DYNC2LI1: variants seen among roughly 807,000 people sequenced by gnomAD.
DYNC2LI1 encodes cytoplasmic dynein 2 light intermediate chain 1.
In DYNC2LI1, 45 loss-of-function variants were observed where a neutral mutation model predicts 51.9. The observed-to-expected ratio is 0.87, with a 90% CI of 0.68 to 1.11. The LOEUF (loss-of-function observed/expected upper bound fraction) is 1.11. Among genes scored for constraint, DYNC2LI1 ranks in the 50% most tolerant of loss-of-function variants. The probability of loss-of-function intolerance (pLI) is 0.00; values close to 1 mark genes in which losing one functional copy is unlikely to be tolerated. For missense variants in DYNC2LI1, 490 were observed against 417.4 expected, an observed-to-expected ratio of 1.17 and a Z score of -1.51; for synonymous variants, 130 against 137.8, an observed-to-expected ratio of 0.94 and a Z score of 0.40.
intron 8 of DYNC2LI1, among the ~76,000 whole-genome samples, 158 bp from the exon 9 acceptor site, chr2:43,800,683 A>G (rs1003843759): frequency 4.6e-5 from 7 of 152,154 alleles, no homozygotes; most frequent in African/African-American, 1.7e-4. Flanking sequence ...AGATTTCTTT[A>G]TTCAGGTTTT....
At chr2:43,792,321 T>C (rs1673827692) in intron 5 of DYNC2LI1, among the ~76,000 whole-genome samples, 1 of 152,178 alleles carries the variant, frequency 6.6e-6, no homozygotes. Flanking sequence ...GCCTGTTTAC[T>C]TGAACTAAAC....
intron 3 of DYNC2LI1, among the ~76,000 whole-genome samples, chr2:43,785,176 G>C (rs959666404): frequency 6.6e-6 from 1 of 152,080 alleles, no homozygotes; most frequent in Non-Finnish European, 1.5e-5. Context: ...GTGCATACCT[G>C]TAGTCCCAGC....
chr2:43,798,109 T>C (rs1236102415), intron 8 of DYNC2LI1, among the ~76,000 whole-genome samples: 1 of 145,998 alleles, frequency 6.8e-6, no homozygotes, highest in African/African-American at 2.5e-5. Context: ...ACTGGGCTTG[T>C]CTCAAAAAAA....
chr2:43,827,046 C>T, the DYNC2LI1 span, among the ~76,000 whole-genome samples: 7 of 152,156 alleles, frequency 4.6e-5, no homozygotes, highest in African/African-American at 1.7e-4. Flanking sequence ...ACAAGGGGGC[C>T]GGGCGCGGTG....
Position 43,774,066 on chromosome 2 carries a change from G to T in DYNC2LI1, c.-73G>T. On this transcript the variant is annotated 5_prime_UTR_variant, in exon 1 of 13. Transcript: ENST00000260605. The stretch of plus-strand genomic sequence containing the variant: ...AAGGCCTCACTCCCAGACTCCTTGC[G>T]GAGCTCGCCGCCTGATTCTAGGCTG... The T allele has an allele frequency of 6.2e-7, 1 of 1,601,932 alleles. No individual in the cohort carries two copies. Among genetic ancestry groups the T allele is most frequent in the South Asian group, 1.1e-5 (1 of 89,190 alleles).
At chr2:43,815,294 A>G in the DYNC2LI1 span, among the ~76,000 whole-genome samples, 2 of 152,246 alleles carry the variant, frequency 1.3e-5, no homozygotes, top group Non-Finnish European at 2.9e-5. Flanking sequence ...ATCAAAAGGT[A>G]TAAAATTCTT....
chr2:43,794,863 T>G (rs1287885711), intron 6 of DYNC2LI1: 1 of 1,429,472 alleles, frequency 7.0e-7, no homozygotes, highest in Non-Finnish European at 9.1e-7. Flanking sequence ...CTTCTGTGAT[T>G]GTTATGGCAT....
intron 5 of DYNC2LI1, 104 bp from the exon 6 acceptor site, chr2:43,794,353 C>A (rs1673931319): frequency 1.6e-6 from 2 of 1,231,536 alleles, no homozygotes; most frequent in Non-Finnish European, 2.2e-6. Context: ...TTTTTTTTCC[C>A]CTTAAGGTAT....
At chr2:43,816,401 TG>T in the DYNC2LI1 span, among the ~76,000 whole-genome samples, 1 of 151,940 alleles carries the variant, frequency 6.6e-6, no homozygotes, top group Admixed American at 6.6e-5. Context: ...CCTCTAGCCT[TG>T]GGAACAACCA....
At chr2:43,784,692 C>G (rs1673440572) in intron 3 of DYNC2LI1, among the ~76,000 whole-genome samples, 1 of 152,058 alleles carries the variant, frequency 6.6e-6, no homozygotes, top group Non-Finnish European at 1.5e-5. Context: ...CCACGGCCTC[C>G]CAAAGTACTG....
At chr2:43,796,175 A>G (rs991022133) in intron 7 of DYNC2LI1, among the ~76,000 whole-genome samples, 23 of 152,202 alleles carry the variant, frequency 1.5e-4, no homozygotes, top group Admixed American at 3.9e-4. Context: ...GCAGATTTAG[A>G]AAATGAATCT....
chr2:43,785,528 G>A (rs1010862511), intron 3 of DYNC2LI1, among the ~76,000 whole-genome samples: 1 of 151,840 alleles, frequency 6.6e-6, no homozygotes, highest in Non-Finnish European at 1.5e-5. Flanking sequence ...GAGGTCAGGA[G>A]TTCGAGATCA....
the DYNC2LI1 span, among the ~76,000 whole-genome samples, chr2:43,817,802 C>T: frequency 3.3e-5 from 5 of 151,716 alleles, no homozygotes; most frequent in Non-Finnish European, 5.9e-5. Flanking sequence ...CCCAGCTACT[C>T]GGGAGGCTGA....
At chr2:43,777,337 A>C (rs983551269) in intron 2 of DYNC2LI1, among the ~76,000 whole-genome samples, 8 of 152,198 alleles carry the variant, frequency 5.3e-5, no homozygotes, top group African/African-American at 1.9e-4. Context: ...AAAATATGGC[A>C]GCATTTCCAG....
rs903257412 is a variant in DYNC2LI1 at position 43,794,854 on chromosome 2, T to C, written c.507+211T>C. The C allele has an allele frequency of 2.1e-6, 3 of 1,433,648 alleles. No homozygotes were observed. The African/African-American group carries it at 4.3e-5, about 21-fold the overall frequency. The allele number at this position is 1,433,648 out of a possible 1,614,324, so 88.8% of individuals were successfully genotyped here. On this transcript the variant is annotated intron_variant, in intron 6 of 12. Coordinates refer to ENST00000260605, the MANE Select transcript of DYNC2LI1 (RefSeq NM_016008.4). ...TCCTTATATCTTCTTGTTAGACATCTTCTGTGATTGTTATGGCATATTACA... is the reference window on the plus strand; with the variant it reads ...TCCTTATATCTTCTTGTTAGACATCCTCTGTGATTGTTATGGCATATTACA...
At chr2:43,827,555 C>T in the DYNC2LI1 span, among the ~76,000 whole-genome samples, 1 of 152,128 alleles carries the variant, frequency 6.6e-6, no homozygotes, top group African/African-American at 2.4e-5. Context: ...ATACTCCCTT[C>T]CCCACAACAT....
chr2:43,815,648 G>A, the DYNC2LI1 span, among the ~76,000 whole-genome samples: 4,360 of 152,246 alleles, frequency 0.029, 88 homozygotes, highest in Non-Finnish European at 0.044. Context: ...TTCTAGGAAG[G>A]CAGAAATGGT....
chr2:43,807,988 C>T (rs1287775152), intron 12 of DYNC2LI1, among the ~76,000 whole-genome samples: 1 of 152,022 alleles, frequency 6.6e-6, no homozygotes, highest in Non-Finnish European at 1.5e-5. Flanking sequence ...AGTTTTCTCA[C>T]AGTCTGCTGT....
At chr2:43,776,271 TCCTG>T (rs1225308271) in intron 1 of DYNC2LI1, among the ~76,000 whole-genome samples, 1 of 152,146 alleles carries the variant, frequency 6.6e-6, no homozygotes, top group Non-Finnish European at 1.5e-5. Context: ...CAAGTGATCC[TCCTG>T]CCTCAGCCTC....
Sources: allele counts gnomAD v4.1 joint callset (sites outside exome capture counted in the v4.1 genomes callset), GRCh38; gene constraint gnomAD v4.1.1; transcripts MANE v1.5; gene names NCBI Gene and HGNC (gene_info 2026-07-23, HGNC 2026-07-21).